The following FBN1 variants were observed in gnomAD, a reference collection of about 807,000 sequenced individuals.
FBN1 encodes fibrillin 1.
Under a neutral mutation model 365.1 loss-of-function variants are expected in FBN1, and 29 were observed. That is an observed-to-expected ratio of 0.08 (90% CI 0.06 to 0.11). The LOEUF (loss-of-function observed/expected upper bound fraction) is 0.11. FBN1 is among the 10% of genes least tolerant of loss of function. FBN1 has a pLI of 1.00. For synonymous variants in FBN1, 1,210 were observed against 1,270.5 expected, an observed-to-expected ratio of 0.95 and a Z score of 1.01; for missense variants, 2,476 against 3,703.2, an observed-to-expected ratio of 0.67 and a Z score of 8.60.
chr15:48,427,512 C>T, intron 58 of FBN1, 55 bp downstream of exon 58: 2 of 1,569,662 alleles, frequency 1.3e-6, no homozygotes, highest in Non-Finnish European at 8.8e-7. Context: ...GTGTTTCACA[C>T]AAAAAACAAA....
chr15:48,572,226 ATGT>A (rs1170938775), intron 6 of FBN1, among the ~76,000 whole-genome samples: 1 of 152,210 alleles, frequency 6.6e-6, no homozygotes, highest in Non-Finnish European at 1.5e-5. Context: ...AAGGATCGAA[ATGT>A]TAAAAGGTCT....
Position 48,445,419 on chromosome 15 carries a change from G to A in FBN1, c.5874C>T (p.Cys1958=). 1 of 1,612,512 alleles carries A rather than the reference G, an allele frequency of 6.2e-7. No homozygotes were observed. Among genetic ancestry groups the A allele is most frequent in the Non-Finnish European group, 8.5e-7 (1 of 1,179,104 alleles). ...INTVGSFQCQ[C]NEGYEVAPDG... is the part of the protein sequence containing the mutation. ...CTGGAGCCACCTCATAGCCTTCATT[G>A]CACTGGCACTGGAAAGACCCCACTG... The change falls in exon 48 of 66, where the codon TGC becomes TGT. Residue 1958 remains cysteine, a synonymous_variant. Coordinates refer to ENST00000316623, the MANE Select transcript of FBN1 (RefSeq NM_000138.5).
intron 13 of FBN1, among the ~76,000 whole-genome samples, chr15:48,511,164 G>A (rs1205669223): frequency 6.6e-6 from 1 of 152,172 alleles, no homozygotes. Context: ...TGGCATGTCA[G>A]TTACTCTGAC....
At chr15:48,554,461 T>A (rs1156859148) in intron 6 of FBN1, among the ~76,000 whole-genome samples, 1 of 152,220 alleles carries the variant, frequency 6.6e-6, no homozygotes, top group Non-Finnish European at 1.5e-5. Flanking sequence ...ATTTTGTTTT[T>A]GTAAATATAT....
chr15:48,477,765 C>T (rs1459089822), intron 32 of FBN1, among the ~76,000 whole-genome samples: 1 of 152,176 alleles, frequency 6.6e-6, no homozygotes, highest in African/African-American at 2.4e-5. Context: ...CAGAAAATTC[C>T]TGTTTAAGAT....
chr15:48,636,155 A>C (rs1471097778), intron 2 of FBN1, among the ~76,000 whole-genome samples: 1 of 152,198 alleles, frequency 6.6e-6, no homozygotes, highest in Non-Finnish European at 1.5e-5. Flanking sequence ...ACTTGGATGG[A>C]ATTCCAGGTC....
At chr15:48,518,882 A>G (rs1417482223) in intron 10 of FBN1, among the ~76,000 whole-genome samples, 2 of 152,248 alleles carry the variant, frequency 1.3e-5, no homozygotes, top group African/African-American at 4.8e-5. Flanking sequence ...TTGCTCTATA[A>G]ATCTGTTTTG....
chr15:48,536,556 T>C (rs1302937039), intron 7 of FBN1, among the ~76,000 whole-genome samples: 1 of 152,252 alleles, frequency 6.6e-6, no homozygotes, highest in Non-Finnish European at 1.5e-5. Context: ...AACTAAACTT[T>C]TGTAAAATAC....
rs1161427862 is a variant in FBN1 at position 48,410,512 on chromosome 15, T to C, written c.*478A>G. 6.1e-6 allele frequency: 1 copy of C among 162,764 alleles called. No homozygotes were observed. The highest frequency in any genetic ancestry group is 1.8e-4 in the East Asian group (1 of 5,618). 10.1% of individuals were successfully genotyped at this position (162,764 alleles called of 1,614,324 possible). On this transcript the variant is annotated 3_prime_UTR_variant, in exon 66 of 66. Transcript: ENST00000316623. ...TTGGAACTGAATACTTGTAATTTGGTTTCTAAGTTGTGTACATATTACAGT... is the reference window on the plus strand; with the variant it reads ...TTGGAACTGAATACTTGTAATTTGGCTTCTAAGTTGTGTACATATTACAGT...
In FBN1 at chr15:48,644,549, G is replaced by T. The variant is rs866866782; in HGVS notation, c.164+57C>A. 138 of 1,611,108 alleles carry T rather than the reference G, an allele frequency of 8.6e-5. 1 individual carries two copies. In the South Asian group the frequency reaches 1.5e-3, roughly 17 times the overall value. ...CACAGGGAGAGTCATCCTGCCCGTTGTTCTGGATCTTGAAACTTGGGAGAC... is the reference window on the plus strand; with the variant it reads ...CACAGGGAGAGTCATCCTGCCCGTTTTTCTGGATCTTGAAACTTGGGAGAC... On this transcript the variant is annotated intron_variant, in intron 2 of 65. Transcript: ENST00000316623.
At chr15:48,600,281 G>C (rs964011846) in intron 4 of FBN1, 47 bp from the exon 5 acceptor site, 3 of 1,308,050 alleles carry the variant, frequency 2.3e-6, no homozygotes, top group Non-Finnish European at 3.3e-6. Flanking sequence ...TAAATGCATA[G>C]ATTGCAACAG....
chr15:48,543,429 G>A (rs189135237), intron 6 of FBN1, among the ~76,000 whole-genome samples: 44 of 152,242 alleles, frequency 2.9e-4, no homozygotes, highest in African/African-American at 8.7e-4. Flanking sequence ...CACGGAGATC[G>A]TCTGAAATTC....
rs114389273 is a variant in FBN1, at chr15:48,431,584, G to A, written c.6740-782C>T. Among the ~76,000 whole-genome samples, 969 of 151,958 alleles carry A rather than the reference G, an allele frequency of 6.4e-3. 8 individuals are homozygous for A. Among genetic ancestry groups the A allele is most frequent in the African/African-American group, 0.023 (933 of 41,442 alleles). On this transcript the variant is annotated intron_variant, in intron 55 of 65. Coordinates refer to ENST00000316623, the MANE Select transcript of FBN1 (RefSeq NM_000138.5). The stretch of plus-strand genomic sequence containing the variant: ...ATTATAATAGTACTACAATCATAAT[G>A]GATTGTAAGAGTAACAAACCAAAGC...
At chr15:48,604,027 C>T (rs2044587454) in intron 4 of FBN1, among the ~76,000 whole-genome samples, 1 of 152,210 alleles carries the variant, frequency 6.6e-6, no homozygotes, top group Non-Finnish European at 1.5e-5. Flanking sequence ...GAACGTCTTT[C>T]ATTTGGCAGC....
chr15:48,625,750 C>A (rs16961251), intron 2 of FBN1, among the ~76,000 whole-genome samples: 1 of 152,144 alleles, frequency 6.6e-6, no homozygotes, highest in Non-Finnish European at 1.5e-5. Context: ...GAAGCAAGTC[C>A]GTTTTGAATC....
intron 8 of FBN1, among the ~76,000 whole-genome samples, chr15:48,527,249 T>C (rs969570852): frequency 6.6e-6 from 1 of 152,226 alleles, no homozygotes; most frequent in African/African-American, 2.4e-5. Flanking sequence ...CTGGTTCCCA[T>C]CAAGGAAGCA....
Position 48,436,942 on chromosome 15 carries a change from A to G in FBN1, c.6496+19T>C. ...TTTTTAATTTGTAAAGTTCCTATGG[A>G]AGAAAACTTATTACTCACCTACACA... On this transcript the variant is annotated intron_variant, in intron 53 of 65. Coordinates refer to ENST00000316623, the MANE Select transcript of FBN1 (RefSeq NM_000138.5). 3 of 1,443,442 alleles carry G rather than the reference A, an allele frequency of 2.1e-6. No homozygotes were observed. Among genetic ancestry groups the G allele is most frequent in the Non-Finnish European group, 2.9e-6 (3 of 1,024,098 alleles). The allele number at this position is 1,443,442 out of a possible 1,614,324, so 89.4% of individuals were successfully genotyped here.
chr15:48,552,475 T>C (rs1212051419), intron 6 of FBN1, among the ~76,000 whole-genome samples: 1 of 151,482 alleles, frequency 6.6e-6, no homozygotes, highest in African/African-American at 2.4e-5. Flanking sequence ...TCTCCCTATG[T>C]TGCCCAGGCT....
At chr15:48,570,296 C>A (rs192017424) in intron 6 of FBN1, among the ~76,000 whole-genome samples, 1 of 152,130 alleles carries the variant, frequency 6.6e-6, no homozygotes, top group Non-Finnish European at 1.5e-5. Flanking sequence ...ATCAAACCTG[C>A]GGTTATGACC....
Sources: gnomAD v4.1 joint callset for allele counts (sites outside exome capture counted in the v4.1 genomes callset) on GRCh38, gnomAD v4.1.1 for gene constraint, MANE v1.5 for transcripts, NCBI Gene and HGNC (gene_info 2026-07-23, HGNC 2026-07-21) for gene names.